The following HTRA3 variants were observed in gnomAD, a reference collection of about 807,000 sequenced individuals.
HTRA3 encodes the protein HtrA serine peptidase 3.
In HTRA3, 41 loss-of-function variants were observed where a neutral mutation model predicts 43.2. The observed-to-expected ratio is 0.95, with a 90% CI of 0.74 to 1.23. HTRA3 has a LOEUF of 1.23. Among genes scored for constraint, HTRA3 ranks in the 50% most tolerant of loss-of-function variants. HTRA3 has a pLI of 0.00. For synonymous variants in HTRA3, 295 were observed against 287.9 expected, an observed-to-expected ratio of 1.02 and a Z score of -0.25; for missense variants, 628 against 647.1, an observed-to-expected ratio of 0.97 and a Z score of 0.32.
rs575421178 is a variant in HTRA3, at chr4:8,288,190, G to A, written c.708+1407G>A. 6.6e-5 allele frequency among the ~76,000 whole-genome samples: 10 copies of A among 152,314 alleles called. No individual in the cohort carries two copies. In the South Asian group the frequency reaches 1.2e-3, roughly 19 times the overall value. On this transcript the variant is annotated intron_variant, in intron 3 of 8. Coordinates refer to ENST00000307358, the MANE Select transcript of HTRA3 (RefSeq NM_053044.5). ...CCTGCTTTTCAGACTTTTCACGGTC[G>A]CGATTGAGTCTGGGGGCATCACCTC...
intron 1 of HTRA3, among the ~76,000 whole-genome samples, chr4:8,270,826 C>G (rs569455577): frequency 6.6e-6 from 1 of 152,242 alleles, no homozygotes; most frequent in East Asian, 1.9e-4. Flanking sequence ...GGTGCAGGTC[C>G]CTGAACTGCT....
chr4:8,288,899 G>GTCCGTCCTTCCTTCCTTCCT (rs1713107672), intron 3 of HTRA3, among the ~76,000 whole-genome samples: 1 of 101,460 alleles, frequency 9.9e-6, no homozygotes, highest in Non-Finnish European at 2.1e-5. Flanking sequence ...CCTTCCGTCC[G>GTCCGTCCTTCCTTCCTTCCT]TCCTTCCTTC....
At chr4:8,302,695 T>C (rs1442244223) in intron 7 of HTRA3, among the ~76,000 whole-genome samples, 184 bp downstream of exon 7, 5 of 152,268 alleles carry the variant, frequency 3.3e-5, no homozygotes, top group African/African-American at 1.2e-4. Flanking sequence ...CTTTGCCTTA[T>C]AGATTCCTTC....
chr4:8,302,568 A>G, intron 7 of HTRA3, 57 bp downstream of exon 7: 1 of 1,552,686 alleles, frequency 6.4e-7, no homozygotes. Context: ...CCTCACCCTG[A>G]CCCTCCCTCC....
chr4:8,288,660 C>T (rs1713095241), intron 3 of HTRA3, among the ~76,000 whole-genome samples: 1 of 150,854 alleles, frequency 6.6e-6, no homozygotes, highest in Non-Finnish European at 1.5e-5. Flanking sequence ...GCAACCTCCA[C>T]CTCCCAGGTT....
intron 8 of HTRA3, 143 bp from the exon 9 acceptor site, chr4:8,305,828 G>A: frequency 1.2e-6 from 1 of 836,564 alleles, no homozygotes; most frequent in Non-Finnish European, 1.9e-6. Context: ...AGAGCTTTGG[G>A]GCTGGGGCAC....
intron 4 of HTRA3, among the ~76,000 whole-genome samples, 175 bp downstream of exon 4, chr4:8,291,739 C>A (rs1219072857): frequency 6.6e-6 from 1 of 152,222 alleles, no homozygotes; most frequent in East Asian, 1.9e-4. Flanking sequence ...CTGTGACTTC[C>A]ACCCCAGGGT....
At chr4:8,270,457 C>G in intron 1 of HTRA3, 104 bp downstream of exon 1, 2 of 1,242,426 alleles carry the variant, frequency 1.6e-6, no homozygotes, top group South Asian at 1.9e-5. Flanking sequence ...TGGGCACCAC[C>G]GGGTGGCCCT....
chr4:8,282,962 CG>C (rs1712815098), intron 2 of HTRA3, among the ~76,000 whole-genome samples: 1 of 152,134 alleles, frequency 6.6e-6, no homozygotes, highest in African/African-American at 2.4e-5. Context: ...CAGTGGGAAC[CG>C]GGGGCTCGGG....
intron 4 of HTRA3, 34 bp from the exon 5 acceptor site, chr4:8,292,287 C>T: frequency 6.2e-7 from 1 of 1,605,746 alleles, no homozygotes; most frequent in Non-Finnish European, 8.5e-7. Flanking sequence ...CAGGCGGGGT[C>T]AGGCACAGCT....
At chr4:8,299,595 G>A (rs957120977) in intron 6 of HTRA3, among the ~76,000 whole-genome samples, 6 of 152,158 alleles carry the variant, frequency 3.9e-5, no homozygotes, top group Non-Finnish European at 5.9e-5. Flanking sequence ...CATTAAGTAC[G>A]GTGCTAGCTA....
At chr4:8,303,302 C>T (rs1408289102) in intron 7 of HTRA3, among the ~76,000 whole-genome samples, 4 of 152,200 alleles carry the variant, frequency 2.6e-5, no homozygotes, top group Non-Finnish European at 5.9e-5. Context: ...CCTGCCTCCT[C>T]GGCTGTCAGC....
chr4:8,294,240 A>G (rs373465668), intron 6 of HTRA3, 39 bp downstream of exon 6: 1 of 1,441,340 alleles, frequency 6.9e-7, no homozygotes, highest in East Asian at 2.4e-5. Context: ...GGCAGGGGGC[A>G]CTCTCCCAGG....
chr4:8,286,668 C>G lies in HTRA3; in HGVS notation c.593C>G (p.Ala198Gly). The G allele has an allele frequency of 2.5e-6, 4 of 1,614,184 alleles. No individual in the cohort carries two copies. The highest frequency in any genetic ancestry group is 3.4e-6 in the Non-Finnish European group (4 of 1,180,018). The change falls in exon 3 of 9, where the codon GCT becomes GGT. Residue 198 changes from alanine (A) to glycine (G), a missense_variant. Physicochemically the swap from Ala to Gly is moderately conservative, Grantham distance 60 (BLOSUM62 0). Transcript: ENST00000307358. The surrounding 1 kb of genome is among the most constrained non-coding windows in gnomAD (Gnocchi z 4.9). Reference sequence around the variant, plus strand: ...GCCCACGTGGTGTCCAGCAACAGTGCTGCCCCGGGCAGGCAGCAGCTCAAG... The same window carrying G: ...GCCCACGTGGTGTCCAGCAACAGTGGTGCCCCGGGCAGGCAGCAGCTCAAG... ...TNAHVVSSNS[A>G]APGRQQLKVQ...
Position 8,269,868 on chromosome 4 carries a change from C to A in HTRA3, c.-101C>A. 1 of 474,830 alleles carries A rather than the reference C, an allele frequency of 2.1e-6. No homozygotes were observed. The highest frequency in any genetic ancestry group is 2.8e-6 in the Non-Finnish European group (1 of 361,292). The allele number at this position is 474,830 out of a possible 1,614,324, so 29.4% of individuals were successfully genotyped here. A position where few individuals can be genotyped will look rare whatever the true frequency, so the allele number is the denominator to read the frequency against. Reference sequence around the variant, plus strand: ...ATGTGACCGCGCGTCCGCCCCAGTCCCATCCGTAGGCGCCCGGCGCCCGGC... The same window carrying A: ...ATGTGACCGCGCGTCCGCCCCAGTCACATCCGTAGGCGCCCGGCGCCCGGC... On this transcript the variant is annotated 5_prime_UTR_variant, in exon 1 of 9. Transcript: ENST00000307358.
At chr4:8,274,646 T>C (rs941083693) in intron 1 of HTRA3, among the ~76,000 whole-genome samples, 1 of 152,200 alleles carries the variant, frequency 6.6e-6, no homozygotes, top group Non-Finnish European at 1.5e-5. Flanking sequence ...GGCATCGCAG[T>C]TGCACAGAGT....
intron 1 of HTRA3, among the ~76,000 whole-genome samples, chr4:8,280,981 C>T (rs1277444058): frequency 3.9e-5 from 6 of 152,200 alleles, no homozygotes; most frequent in Non-Finnish European, 1.5e-5. Flanking sequence ...AGGAGGCCTG[C>T]GGCCTGCGTT....
chr4:8,272,040 G>A (rs1251886667), intron 1 of HTRA3, among the ~76,000 whole-genome samples: 2 of 152,184 alleles, frequency 1.3e-5, no homozygotes, highest in African/African-American at 4.8e-5. Flanking sequence ...TTGGTGCTGG[G>A]GTACCTTTCC....
At chr4:8,299,467 A>G (rs1036835170) in intron 6 of HTRA3, among the ~76,000 whole-genome samples, 2 of 152,020 alleles carry the variant, frequency 1.3e-5, no homozygotes, top group African/African-American at 4.8e-5. Flanking sequence ...TTCCAATCTG[A>G]ATGCCTTTTT....
Sources: gnomAD v4.1 joint callset for allele counts (sites outside exome capture counted in the v4.1 genomes callset) on GRCh38, gnomAD v4.1.1 for gene constraint, Gnocchi (gnomAD v3.1) non-coding constraint, MANE v1.5 for transcripts, NCBI Gene and HGNC (gene_info 2026-07-23, HGNC 2026-07-21) for gene names.